CACNB2: variants seen among roughly 807,000 people sequenced by gnomAD.
The protein encoded by CACNB2 is calcium voltage-gated channel auxiliary subunit beta 2, also known as voltage-dependent L-type calcium channel subunit beta-2.
A neutral mutation model predicts 73.3 loss-of-function variants in CACNB2; 42 were observed. The ratio of observed to expected loss-of-function variants is 0.57; its 90% CI spans 0.45 to 0.74. The LOEUF (loss-of-function observed/expected upper bound fraction) is 0.74. Ranked by LOEUF, CACNB2 falls within the 30% of genes least tolerant of loss-of-function variation. CACNB2 has a pLI of 0.00. For missense variants in CACNB2, 940 were observed against 853.0 expected, an observed-to-expected ratio of 1.10 and a Z score of -1.27; for synonymous variants, 348 against 310.3, an observed-to-expected ratio of 1.12 and a Z score of -1.28.
intron 2 of CACNB2, among the ~76,000 whole-genome samples, chr10:18,391,207 A>C (rs926576159): frequency 9.2e-5 from 14 of 152,208 alleles, no homozygotes; most frequent in African/African-American, 3.4e-4. Flanking sequence ...GTGATAAAAC[A>C]CTGGGGATAG....
At position 18,489,444 on chromosome 10, in the gene CACNB2, CT is replaced by C. The variant is rs111643893; in HGVS notation, c.334-8898del. Among the ~76,000 whole-genome samples, 91 of 131,824 alleles carry C rather than the reference CT, an allele frequency of 6.9e-4. 1 individual carries two copies. Among genetic ancestry groups the C allele is most frequent in the African/African-American group, 1.1e-3 (40 of 35,506 alleles). 86.5% of individuals were successfully genotyped at this position (131,824 alleles called of 152,430 possible). On this transcript the variant is annotated intron_variant, in intron 3 of 13. Transcript: ENST00000324631. ...TCACAAATGTTGTCTTAAAATTTAA[CT>C]TTTTTTTTTTTTCAGAGAAAGGATC...
chr10:18,375,778 C>G (rs2042773853), intron 2 of CACNB2, among the ~76,000 whole-genome samples: 2 of 152,088 alleles, frequency 1.3e-5, no homozygotes, highest in Admixed American at 1.3e-4. Flanking sequence ...TTCAATGTTA[C>G]CAGTTTGTTG....
chr10:18,398,068 G>A (rs1176648165), intron 2 of CACNB2, among the ~76,000 whole-genome samples: 1 of 152,160 alleles, frequency 6.6e-6, no homozygotes. Flanking sequence ...CCGGAGTTAT[G>A]GAAACGACCG....
chr10:18,338,643 C>A (rs1308786600), intron 2 of CACNB2, among the ~76,000 whole-genome samples: 1 of 129,500 alleles, frequency 7.7e-6, no homozygotes, highest in Non-Finnish European at 1.6e-5. Flanking sequence ...TTCCTTCCTT[C>A]TTTCTTTCTC....
intron 2 of CACNB2, among the ~76,000 whole-genome samples, chr10:18,173,515 G>T (rs2131166170): frequency 6.6e-6 from 1 of 152,274 alleles, no homozygotes; most frequent in South Asian, 2.1e-4. Context: ...GAGAGATTTT[G>T]GAACCTTTTA....
chr10:18,464,850 G>C (rs1176031877), intron 3 of CACNB2, among the ~76,000 whole-genome samples: 1 of 152,236 alleles, frequency 6.6e-6, no homozygotes, highest in Non-Finnish European at 1.5e-5. Flanking sequence ...TTAGTGGTTA[G>C]AACATGCAGA....
intron 2 of CACNB2, among the ~76,000 whole-genome samples, chr10:18,177,492 G>A (rs1235008960): frequency 1.3e-5 from 2 of 150,210 alleles, no homozygotes; most frequent in African/African-American, 4.9e-5. Context: ...ATAGCTGGGT[G>A]TGGTGGCAGG....
chr10:18,420,268 G>A (rs1252706041), intron 3 of CACNB2, among the ~76,000 whole-genome samples: 2 of 152,006 alleles, frequency 1.3e-5, no homozygotes, highest in East Asian at 3.9e-4. Context: ...CTGTGTATTA[G>A]TCTGGGTTCT....
intron 5 of CACNB2, among the ~76,000 whole-genome samples, chr10:18,505,455 A>T (rs952432209): frequency 2.6e-5 from 4 of 152,204 alleles, no homozygotes; most frequent in Non-Finnish European, 5.9e-5. Context: ...TTTGATGTTT[A>T]TGCATTAAAA....
intron 2 of CACNB2, among the ~76,000 whole-genome samples, chr10:18,225,867 T>C (rs2035972482): frequency 6.6e-6 from 1 of 152,134 alleles, no homozygotes; most frequent in Non-Finnish European, 1.5e-5. Context: ...CTCCAGCTCC[T>C]GGGCTTAAGT....
At chr10:18,427,764 T>C (rs1476217318) in intron 3 of CACNB2, among the ~76,000 whole-genome samples, 1 of 152,130 alleles carries the variant, frequency 6.6e-6, no homozygotes, top group African/African-American at 2.4e-5. Context: ...TAGGCATGAA[T>C]TTATAATCTC....
At chr10:18,231,788 G>A (rs1165416906) in intron 2 of CACNB2, among the ~76,000 whole-genome samples, 1 of 152,110 alleles carries the variant, frequency 6.6e-6, no homozygotes, top group African/African-American at 2.4e-5. Flanking sequence ...AGTTCTAATT[G>A]CTCTTTTATT....
intron 2 of CACNB2, among the ~76,000 whole-genome samples, chr10:18,350,174 G>T (rs2041645824): frequency 6.6e-6 from 1 of 152,190 alleles, no homozygotes; most frequent in Non-Finnish European, 1.5e-5. Context: ...GAACCCAGGA[G>T]ATGGAGGTTG....
At chr10:18,194,344 G>A (rs1351255003) in intron 2 of CACNB2, among the ~76,000 whole-genome samples, 2 of 152,198 alleles carry the variant, frequency 1.3e-5, no homozygotes, top group Admixed American at 6.5e-5. Context: ...CCAGGTGGGA[G>A]TGAACCAAAT....
In CACNB2 at chr10:18,538,346, C is replaced by T. The variant is rs748111227; in HGVS notation, c.1469C>T (p.Thr490Ile). 4.3e-6 allele frequency: 7 copies of T among 1,613,132 alleles called. No homozygotes were observed. The highest frequency in any genetic ancestry group is 1.3e-5 in the African/African-American group (1 of 74,882). ...ACTTCAAGTCTGCCTCTTAGCCCCA[C>T]CCTAGCCTCTAATTCACAGGTAAGG... is the stretch of plus-strand genomic sequence containing the variant. ...LATSSLPLSPTLASNSQGSQG... is the reference protein window; with the variant it reads ...LATSSLPLSPILASNSQGSQG... The change falls in exon 13 of 14, where the codon ACC (threonine) becomes ATC (isoleucine). Residue 490 changes from threonine (T) to isoleucine (I), a missense_variant. Thr to Ile is a moderately conservative substitution (Grantham distance 89). Coordinates refer to ENST00000324631, the MANE Select transcript of CACNB2 (RefSeq NM_201596.3).
intron 2 of CACNB2, among the ~76,000 whole-genome samples, chr10:18,153,066 A>G (rs2031739092): frequency 6.6e-6 from 1 of 152,148 alleles, no homozygotes; most frequent in South Asian, 2.1e-4. Context: ...CTTCACGGTA[A>G]TTTTCTTTTG....
At chr10:18,245,343 G>A (rs1271207827) in intron 2 of CACNB2, among the ~76,000 whole-genome samples, 1 of 152,068 alleles carries the variant, frequency 6.6e-6, no homozygotes, top group Non-Finnish European at 1.5e-5. Flanking sequence ...ATTCGAGACA[G>A]GGTCTCACTC....
In CACNB2 at chr10:18,506,507, C is replaced by A; in HGVS notation, c.630C>A (p.Asp210Glu). 1 of 1,612,148 alleles carries A rather than the reference C, an allele frequency of 6.2e-7. No homozygotes were observed. Among genetic ancestry groups the A allele is most frequent in the Non-Finnish European group, 8.5e-7 (1 of 1,178,326 alleles). ...GAAATTCATCATCCAGTTTGGGTGA[C>A]ATAGTACCTAGTTCCAGAAAATCAA... Reference protein sequence around the residue: ...SGGNSSSSLGDIVPSSRKSTP... With the variant: ...SGGNSSSSLGEIVPSSRKSTP... Residue 210 changes from aspartate to glutamate, a missense_variant, in exon 6 of 14, where the codon GAC (aspartate) becomes GAA (glutamate). Coordinates refer to ENST00000324631, the MANE Select transcript of CACNB2 (RefSeq NM_201596.3).
Position 18,521,897 on chromosome 10 carries a change from A to G in CACNB2, c.944+2929A>G, listed in dbSNP as rs577063860. 7.9e-5 allele frequency among the ~76,000 whole-genome samples: 12 copies of G among 152,282 alleles called. 1 individual carries two copies. The South Asian group carries it at 1.2e-3, about 16-fold the overall frequency. ...GCAACTACAATAGATCAGGAGTCCCAAATCCCCGGGTCACAGATCAGTACT... is the reference window on the plus strand; with the variant it reads ...GCAACTACAATAGATCAGGAGTCCCGAATCCCCGGGTCACAGATCAGTACT... On this transcript the variant is annotated intron_variant, in intron 9 of 13. Transcript: ENST00000324631.
Sources: gnomAD v4.1 joint callset for allele counts (sites outside exome capture counted in the v4.1 genomes callset) on GRCh38, gnomAD v4.1.1 for gene constraint, MANE v1.5 for transcripts, NCBI Gene and HGNC (gene_info 2026-07-23, HGNC 2026-07-21) for gene names.